Variants in LRIF1 observed in about 807,000 individuals in gnomAD.
LRIF1 encodes the protein ligand-dependent nuclear receptor-interacting factor 1.
In LRIF1, 32 loss-of-function variants were observed where a neutral mutation model predicts 52.7. The observed-to-expected ratio is 0.61, with a 90% confidence interval of 0.46 to 0.82. The LOEUF (loss-of-function observed/expected upper bound fraction) is 0.82, where lower values mean the gene tolerates loss of function less well. Among genes scored for constraint, LRIF1 ranks in the 40% least tolerant of loss-of-function variants. The pLI is 0.00. For missense variants in LRIF1, 887 were observed against 892.0 expected, an observed-to-expected ratio of 0.99 and a Z score of 0.07; for synonymous variants, 323 against 317.4, an observed-to-expected ratio of 1.02 and a Z score of -0.19.
the LRIF1 span, among the ~76,000 whole-genome samples, chr1:110,927,247 T>C: frequency 6.6e-6 from 1 of 151,886 alleles, no homozygotes; most frequent in East Asian, 1.9e-4. Context: ...AAATGTGGAG[T>C]ATGTGTGTGA....
At chr1:110,891,356 G>A in the LRIF1 span, 2 of 1,366,056 alleles carry the variant, frequency 1.5e-6, no homozygotes, top group Non-Finnish European at 2.1e-6. Context: ...ACCTTACAGA[G>A]TGAGGTAACT....
rs542447914 is a variant in LRIF1 at position 110,951,692 on chromosome 1, T to C, written c.1192A>G (p.Thr398Ala). The C allele has an allele frequency of 1.2e-6, 2 of 1,614,076 alleles. No homozygotes were observed. The highest frequency in any genetic ancestry group is 2.7e-5 in the African/African-American group (2 of 75,046). ...TCTGTGACTGGACTTGAACTCACTGTCTGTAACGTGTCTTTTCTTACTGGA... is the reference window on the plus strand; with the variant it reads ...TCTGTGACTGGACTTGAACTCACTGCCTGTAACGTGTCTTTTCTTACTGGA... ...DTPVRKDTLQ[T>A]VSSSPVTEIS... Residue 398 changes from threonine to alanine, a missense_variant, in exon 2 of 4, where the codon ACA (threonine) becomes GCA (alanine). By Grantham distance (58) the Thr-to-Ala change is moderately conservative. Transcript: ENST00000369763.
the LRIF1 span, chr1:110,894,418 A>G: frequency 3.1e-6 from 5 of 1,595,234 alleles, no homozygotes; most frequent in Non-Finnish European, 4.3e-6. Flanking sequence ...TATAAAGACA[A>G]CAACTTATTG....
At chr1:110,945,705 G>A (rs1022724411), downstream of LRIF1, among the ~76,000 whole-genome samples, 52 of 152,194 alleles carry the variant, frequency 3.4e-4, 1 homozygote, top group African/African-American at 1.3e-3. Flanking sequence ...GGGATTACAG[G>A]TGTGAGCCAC....
chr1:110,962,874 T>C (rs889048055), intron 1 of LRIF1, among the ~76,000 whole-genome samples: 36 of 152,266 alleles, frequency 2.4e-4, no homozygotes, highest in African/African-American at 8.7e-4. Flanking sequence ...TATTCTGCTT[T>C]AGCTAACATT....
intron 3 of LRIF1, among the ~76,000 whole-genome samples, chr1:110,949,193 C>T (rs1424126061): frequency 6.6e-6 from 1 of 151,976 alleles, no homozygotes; most frequent in Non-Finnish European, 1.5e-5. Context: ...TCTCAGCTCA[C>T]TGCAACCTCT....
In LRIF1 at chr1:110,948,086, A is replaced by G. The variant is rs1658282889; in HGVS notation, c.2183T>C (p.Ile728Thr). 6.2e-7 allele frequency: 1 copy of G among 1,614,004 alleles called. No homozygotes were observed. Among genetic ancestry groups the G allele is most frequent in the South Asian group, 1.1e-5 (1 of 91,072 alleles). ...TAACTCCGGTGGTGTCACTGGGAAA[A>G]TATCTTCGGTATAATTTTTATTGAA... The part of the protein sequence containing the change: ...HFFNKNYTED[I>T]FPVTPPELEE... Residue 728 changes from isoleucine to threonine, a missense_variant, in exon 4 of 4, where the codon ATT becomes ACT. Coordinates refer to ENST00000369763, the MANE Select transcript of LRIF1 (RefSeq NM_018372.4).
intron 1 of LRIF1, among the ~76,000 whole-genome samples, chr1:110,955,036 A>T (rs1248791692): frequency 6.6e-6 from 1 of 152,204 alleles, no homozygotes; most frequent in African/African-American, 2.4e-5. Flanking sequence ...GCTTCTTTGA[A>T]ATTTAGGCTT....
chr1:110,952,919 A>G (rs963653310), intron 1 of LRIF1, 104 bp from the exon 2 acceptor site: 3 of 661,268 alleles, frequency 4.5e-6, no homozygotes, highest in Non-Finnish European at 4.2e-6. Flanking sequence ...AATAAAGTAT[A>G]TAATTTTCCA....
At chr1:110,952,996 C>T in intron 1 of LRIF1, 181 bp from the exon 2 acceptor site, 1 of 272,234 alleles carries the variant, frequency 3.7e-6, no homozygotes. Context: ...ATGATATAGT[C>T]AACTGCTTAT....
chr1:110,942,939 C>T (rs556281558), downstream of LRIF1, among the ~76,000 whole-genome samples: 3 of 151,896 alleles, frequency 2.0e-5, no homozygotes, highest in African/African-American at 7.2e-5. Flanking sequence ...TAGGTAAGAT[C>T]ATATAGATGT....
chr1:110,959,812 C>T (rs1004053162), intron 1 of LRIF1, among the ~76,000 whole-genome samples: 51 of 148,378 alleles, frequency 3.4e-4, no homozygotes, highest in Non-Finnish European at 6.7e-4. Flanking sequence ...TGTTATATAA[C>T]TTCTGACATT....
chr1:110,882,272 A>G, the LRIF1 span, among the ~76,000 whole-genome samples: 3 of 152,236 alleles, frequency 2.0e-5, no homozygotes, highest in Admixed American at 1.3e-4. Flanking sequence ...TTTCGTATGG[A>G]GAGAGGTATA....
the LRIF1 span, among the ~76,000 whole-genome samples, chr1:110,895,531 G>T: frequency 5.9e-4 from 90 of 152,224 alleles, 1 homozygote; most frequent in African/African-American, 2.0e-3. Flanking sequence ...TGTGTTGGGA[G>T]ATAAAGATGG....
chr1:110,931,908 G>T, the LRIF1 span, among the ~76,000 whole-genome samples: 1 of 150,878 alleles, frequency 6.6e-6, no homozygotes, highest in African/African-American at 2.4e-5. Flanking sequence ...TGGGTAGATT[G>T]CAAAGATTTT....
chr1:110,917,628 T>A, the LRIF1 span, among the ~76,000 whole-genome samples: 1 of 116,178 alleles, frequency 8.6e-6, no homozygotes, highest in East Asian at 2.8e-4. Context: ...GGAGCTTATT[T>A]TTTTTGTTTT....
At chr1:110,917,311 A>G in the LRIF1 span, among the ~76,000 whole-genome samples, 2 of 152,140 alleles carry the variant, frequency 1.3e-5, no homozygotes, top group African/African-American at 2.4e-5. Flanking sequence ...TTCCTTCCCA[A>G]TTGCTTACCC....
At chr1:110,881,432 A>T in the LRIF1 span, among the ~76,000 whole-genome samples, 2 of 152,200 alleles carry the variant, frequency 1.3e-5, no homozygotes, top group Non-Finnish European at 2.9e-5. Context: ...GGGTAACAAC[A>T]GTTCATTCTT....
At chr1:110,961,712 T>C (rs1170045533) in intron 1 of LRIF1, among the ~76,000 whole-genome samples, 3 of 152,006 alleles carry the variant, frequency 2.0e-5, no homozygotes, top group African/African-American at 4.8e-5. Flanking sequence ...TTTAGTACCA[T>C]CAAACATGTT....
Sources: allele counts gnomAD v4.1 joint callset (sites outside exome capture counted in the v4.1 genomes callset), GRCh38; gene constraint gnomAD v4.1.1; transcripts MANE v1.5; gene names NCBI Gene and HGNC (gene_info 2026-07-23, HGNC 2026-07-21).